Variants in CACNA1E observed in about 807,000 individuals in gnomAD.
The protein encoded by CACNA1E is calcium voltage-gated channel subunit alpha1 E.
A neutral mutation model predicts 259.2 loss-of-function variants in CACNA1E; 40 were observed. The observed-to-expected ratio is 0.15, with a 90% CI of 0.12 to 0.20. CACNA1E has a LOEUF of 0.20. CACNA1E is among the 10% of genes least tolerant of loss of function. The probability of loss-of-function intolerance (pLI) is 1.00; values close to 1 mark genes in which losing one functional copy is unlikely to be tolerated. For synonymous variants in CACNA1E, 1,104 were observed against 1,138.5 expected (o/e 0.97, Z 0.61); for missense variants, 1,874 against 3,040.1 (o/e 0.62, Z 9.02).
intron 1 of CACNA1E, among the ~76,000 whole-genome samples, chr1:181,386,886 T>C (rs772248111): frequency 1.2e-4 from 18 of 152,340 alleles, no homozygotes; most frequent in Admixed American, 3.9e-4. Context: ...TTCTCCTCAA[T>C]GAGTCTGCAC....
At chr1:181,433,812 A>G (rs1462928110) in intron 2 of CACNA1E, among the ~76,000 whole-genome samples, 1 of 152,210 alleles carries the variant, frequency 6.6e-6, no homozygotes, top group Non-Finnish European at 1.5e-5. Context: ...TGTAATTGCT[A>G]ATGGCTGAGG....
intron 3 of CACNA1E, among the ~76,000 whole-genome samples, chr1:181,529,340 T>G (rs1667604349): frequency 6.6e-6 from 1 of 152,236 alleles, no homozygotes; most frequent in African/African-American, 2.4e-5. Flanking sequence ...GGCAGAAGTT[T>G]GCTGCAGGGG....
At chr1:181,558,281 T>C (rs1438714947) in intron 3 of CACNA1E, among the ~76,000 whole-genome samples, 1 of 152,154 alleles carries the variant, frequency 6.6e-6, no homozygotes, top group African/African-American at 2.4e-5. Flanking sequence ...TGGGCTTGAT[T>C]TTCTAAGATC....
chr1:181,785,710 C>A lies in CACNA1E; in HGVS notation c.5680-3C>A, dbSNP rs758535686. ...TTCCTTCTTCTTCCCTCTTTTTACC[C>A]AGAAAAATGCCCCCATGTTCCAGCG... is the stretch of plus-strand genomic sequence containing the variant. On this transcript the variant is annotated splice_polypyrimidine_tract_variant and splice_region_variant and intron_variant, in intron 42 of 47. Coordinates refer to ENST00000367573, the MANE Select transcript of CACNA1E (RefSeq NM_001205293.3). The A allele has an allele frequency of 6.2e-7, 1 of 1,605,430 alleles. No homozygotes were observed. Among genetic ancestry groups the A allele is most frequent in the Non-Finnish European group, 8.5e-7 (1 of 1,173,016 alleles).
intron 7 of CACNA1E, among the ~76,000 whole-genome samples, chr1:181,657,310 A>G (rs183038989): frequency 2.6e-5 from 4 of 152,238 alleles, no homozygotes; most frequent in East Asian, 1.9e-4. Flanking sequence ...TCAGTCAAAG[A>G]CTGAAATCTT....
At chr1:181,738,267 G>A in intron 23 of CACNA1E, 100 bp from the exon 24 acceptor site, 1 of 895,048 alleles carries the variant, frequency 1.1e-6, no homozygotes, top group East Asian at 2.4e-5. Flanking sequence ...TGAGGGCCAG[G>A]GTGGGCGTGC....
At chr1:181,676,847 A>G (rs1225248303) in intron 7 of CACNA1E, among the ~76,000 whole-genome samples, 1 of 152,138 alleles carries the variant, frequency 6.6e-6, no homozygotes, top group Admixed American at 6.5e-5. Context: ...ATATTTGCAT[A>G]ATGCTTCCTA....
Position 181,798,848 on chromosome 1 carries a change from C to A in CACNA1E, c.*14C>A, listed in dbSNP as rs755606631. ...GACAAATGCTAGAGGCTGCTCCCCC[C>A]TCCGATGCATGCTCTTCTCTCACAT... On this transcript the variant is annotated 3_prime_UTR_variant, in exon 48 of 48. Transcript: ENST00000367573. This position sits in a 1 kb window ranked among gnomAD's most constrained non-coding sequence, Gnocchi z 4.2. 6.7e-7 allele frequency: 1 copy of A among 1,497,620 alleles called. No homozygotes were observed. Among genetic ancestry groups the A allele is most frequent in the Admixed American group, 2.1e-5 (1 of 47,040 alleles). 92.8% of individuals were successfully genotyped at this position (1,497,620 alleles called of 1,614,324 possible).
At chr1:181,751,956 G>A (rs1268401136) in intron 26 of CACNA1E, 187 bp from the exon 27 acceptor site, 1 of 695,304 alleles carries the variant, frequency 1.4e-6, no homozygotes, top group Non-Finnish European at 2.6e-6. Flanking sequence ...AGTGATTTGA[G>A]AATATTCCTG....
At chr1:181,327,918 G>A (rs1650922622) in intron 1 of CACNA1E, among the ~76,000 whole-genome samples, 1 of 152,224 alleles carries the variant, frequency 6.6e-6, no homozygotes, top group South Asian at 2.1e-4. Flanking sequence ...GGATGGTCTG[G>A]TTTGGCCTCA....
At chr1:181,381,784 G>T (rs986705094) in intron 1 of CACNA1E, among the ~76,000 whole-genome samples, 1 of 152,194 alleles carries the variant, frequency 6.6e-6, no homozygotes, top group South Asian at 2.1e-4. Context: ...GAAACTAGAA[G>T]TGTGGTGGTC....
chr1:181,423,328 G>A (rs1376274229), intron 2 of CACNA1E, among the ~76,000 whole-genome samples: 1 of 152,208 alleles, frequency 6.6e-6, no homozygotes, highest in Non-Finnish European at 1.5e-5. Flanking sequence ...GTGCATATGA[G>A]CCATTATTAT....
intron 35 of CACNA1E, among the ~76,000 whole-genome samples, chr1:181,768,494 TTG>T: frequency 6.6e-6 from 1 of 152,102 alleles, no homozygotes; most frequent in East Asian, 1.9e-4. Flanking sequence ...AAGAGGTGAG[TTG>T]TAAGATCAGC....
chr1:181,437,558 C>T (rs1660177584), intron 2 of CACNA1E, among the ~76,000 whole-genome samples: 2 of 152,166 alleles, frequency 1.3e-5, no homozygotes, highest in African/African-American at 4.8e-5. Flanking sequence ...ATTAGTGATG[C>T]CCACATTCCT....
intron 6 of CACNA1E, among the ~76,000 whole-genome samples, chr1:181,596,787 A>G (rs573746414): frequency 6.6e-6 from 1 of 152,320 alleles, no homozygotes; most frequent in African/African-American, 2.4e-5. Context: ...AGAAAGAACA[A>G]GAAAAGATAA....
chr1:181,541,445 G>GA (rs139772065), intron 3 of CACNA1E, among the ~76,000 whole-genome samples: 16 of 147,050 alleles, frequency 1.1e-4, no homozygotes, highest in Admixed American at 2.7e-4. Flanking sequence ...GGTAGACAAT[G>GA]AAAAAAAAAA....
At chr1:181,659,985 T>C (rs975871361) in intron 7 of CACNA1E, among the ~76,000 whole-genome samples, 6 of 152,262 alleles carry the variant, frequency 3.9e-5, no homozygotes, top group East Asian at 1.9e-4. Flanking sequence ...CTTGACCATA[T>C]AGATTTGGTG....
At chr1:181,496,460 A>T (rs1664761777) in intron 1 of CACNA1E, among the ~76,000 whole-genome samples, 1 of 152,244 alleles carries the variant, frequency 6.6e-6, no homozygotes, top group Non-Finnish European at 1.5e-5. Context: ...GGGGGTTGCC[A>T]GCCTCCTGGC....
chr1:181,780,070 T>C (rs1201183353), intron 38 of CACNA1E, among the ~76,000 whole-genome samples: 1 of 152,130 alleles, frequency 6.6e-6, no homozygotes, highest in African/African-American at 2.4e-5. Flanking sequence ...AGAATGACTA[T>C]GAAAGCTATA....
Sources: gnomAD v4.1 joint callset for allele counts (sites outside exome capture counted in the v4.1 genomes callset) on GRCh38, gnomAD v4.1.1 for gene constraint, Gnocchi (gnomAD v3.1) non-coding constraint, MANE v1.5 for transcripts, NCBI Gene and HGNC (gene_info 2026-07-23, HGNC 2026-07-21) for gene names.